Variants in THEM4 observed in about 807,000 individuals in gnomAD.
The protein encoded by THEM4 is thioesterase superfamily member 4, also known as acyl-coenzyme A thioesterase THEM4.
THEM4 carries 22 observed loss-of-function variants against 25.0 expected under a neutral mutation model. That is an observed-to-expected ratio of 0.88 (90% CI 0.63 to 1.26). THEM4 has a LOEUF of 1.26. Ranked by LOEUF, THEM4 falls within the 50% of genes most tolerant of loss-of-function variation. The pLI is 0.00. For missense variants in THEM4, 286 were observed against 300.3 expected, an observed-to-expected ratio of 0.95 and a Z score of 0.35; for synonymous variants, 113 against 105.6, an observed-to-expected ratio of 1.07 and a Z score of -0.43.
At chr1:151,879,053 T>C (rs1653751810) in intron 4 of THEM4, among the ~76,000 whole-genome samples, 1 of 152,110 alleles carries the variant, frequency 6.6e-6, no homozygotes, top group South Asian at 2.1e-4. Context: ...GATATAGATT[T>C]AGCTGAAATT....
At chr1:151,882,782 T>C (rs1017616949) in intron 4 of THEM4, among the ~76,000 whole-genome samples, 6 of 152,130 alleles carry the variant, frequency 3.9e-5, no homozygotes, top group Non-Finnish European at 8.8e-5. Flanking sequence ...GAACTCTTGA[T>C]TAAATTTCAA....
In THEM4 at chr1:151,909,421, C is replaced by A; in HGVS notation, c.38G>T (p.Gly13Val). ...RSCAARLRTL[G>V]ALCLPPVGRR... ...GCCTACTGGCGGCAGGCACAGAGCC[C>A]CCAGCGTGCGGAGGCGCGCGGCGCA... The change falls in exon 1 of 6, where the codon GGG becomes GTG. Residue 13 changes from glycine to valine, a missense_variant. Coordinates refer to ENST00000368814, the MANE Select transcript of THEM4 (RefSeq NM_053055.5). The A allele has an allele frequency of 6.7e-7, 1 of 1,483,756 alleles. No homozygotes were observed. Among genetic ancestry groups the A allele is most frequent in the Non-Finnish European group, 8.9e-7 (1 of 1,124,836 alleles). 91.9% of individuals were successfully genotyped at this position (1,483,756 alleles called of 1,614,324 possible).
intron 1 of THEM4, among the ~76,000 whole-genome samples, chr1:151,895,492 C>T (rs1558192990): frequency 2.6e-5 from 4 of 152,032 alleles, no homozygotes. Context: ...CAGGTAAGCC[C>T]AGCACACTGG....
chr1:151,883,078 G>C (rs1368033493), intron 4 of THEM4, among the ~76,000 whole-genome samples: 3 of 134,616 alleles, frequency 2.2e-5, no homozygotes, highest in African/African-American at 8.3e-5. Context: ...AGTGCAAGGG[G>C]GGATCTGTCA....
chr1:151,891,950 G>C (rs1654103483), intron 2 of THEM4, among the ~76,000 whole-genome samples: 3 of 152,034 alleles, frequency 2.0e-5, no homozygotes, highest in Non-Finnish European at 4.4e-5. Context: ...AAGAAACAGA[G>C]GTTTTTTGTT....
In THEM4 at chr1:151,895,118, A is replaced by G. The variant is rs1558192857; in HGVS notation, c.176T>C (p.Leu59Pro). The G allele has an allele frequency of 1.9e-6, 3 of 1,614,200 alleles. No homozygotes were observed. Among genetic ancestry groups the G allele is most frequent in the Non-Finnish European group, 2.5e-6 (3 of 1,180,026 alleles). The change falls in exon 2 of 6, where the codon CTG becomes CCG. Residue 59 changes from leucine (L) to proline (P), a missense_variant. Transcript: ENST00000368814. Reference protein sequence around the residue: ...PNPSWNKDLRLLFDQFMKKCE... With the variant: ...PNPSWNKDLRPLFDQFMKKCE... ...TTTCTTCATAAACTGGTCAAAGAGC[A>G]GTCTTAGGTCCTTGTTCCAGCTGGG...
chr1:151,889,617 C>G, intron 2 of THEM4: 1 of 424,498 alleles, frequency 2.4e-6, no homozygotes, highest in Non-Finnish European at 4.2e-6. Flanking sequence ...ATGAAGTACC[C>G]ACACATGGCA....
intron 2 of THEM4, among the ~76,000 whole-genome samples, chr1:151,893,192 T>C (rs1167853930): frequency 6.6e-6 from 1 of 151,776 alleles, no homozygotes. Context: ...GCCAACATTG[T>C]GAAACCCTGT....
intron 1 of THEM4, among the ~76,000 whole-genome samples, chr1:151,902,622 A>G (rs917027565): frequency 1.3e-5 from 2 of 152,186 alleles, no homozygotes; most frequent in Non-Finnish European, 2.9e-5. Context: ...GTAACCAAAT[A>G]CCACCTGTAC....
rs903608174 is a variant in THEM4 at position 151,899,005 on chromosome 1, C to T, written c.100-3811G>A. ...AAATGAGAAGGAACCAGAAAACCTA[C>T]CCAGGTAATATGACAAAACAAGGCT... On this transcript the variant is annotated intron_variant, in intron 1 of 5. Transcript: ENST00000368814. Among the ~76,000 whole-genome samples the T allele has an allele frequency of 3.9e-5, 6 of 152,202 alleles. No homozygotes were observed. The East Asian group carries it at 1.2e-3, about 29-fold the overall frequency.
intron 1 of THEM4, among the ~76,000 whole-genome samples, chr1:151,908,392 C>A (rs1654522325): frequency 6.6e-6 from 1 of 152,126 alleles, no homozygotes. Context: ...CTTCGTTTAG[C>A]CCGGCATGGC....
rs1653617233 is a variant in THEM4, at chr1:151,874,195, T to C, written c.*693A>G. The C allele has an allele frequency of 6.6e-6, 1 of 152,284 alleles. No homozygotes were observed. 9.4% of individuals were successfully genotyped at this position (152,284 alleles called of 1,614,324 possible). On this transcript the variant is annotated 3_prime_UTR_variant, in exon 6 of 6. Coordinates refer to ENST00000368814, the MANE Select transcript of THEM4 (RefSeq NM_053055.5). ...GATACAACAAAGCTAGCTTTCTAAC[T>C]TACTAACTTACAATGTATATGCATA...
At chr1:151,906,263 A>C (rs1654462969) in intron 1 of THEM4, among the ~76,000 whole-genome samples, 1 of 152,184 alleles carries the variant, frequency 6.6e-6, no homozygotes, top group Non-Finnish European at 1.5e-5. Flanking sequence ...CCACGCAATG[A>C]GGGGCTTAGC....
At chr1:151,882,842 G>A (rs1653874869) in intron 4 of THEM4, among the ~76,000 whole-genome samples, 1 of 152,070 alleles carries the variant, frequency 6.6e-6, no homozygotes, top group Admixed American at 6.6e-5. Context: ...GGTTTACTGG[G>A]CTGTGAGATT....
chr1:151,876,374 A>T (rs1653669961), intron 5 of THEM4, among the ~76,000 whole-genome samples: 1 of 152,058 alleles, frequency 6.6e-6, no homozygotes, highest in Non-Finnish European at 1.5e-5. Flanking sequence ...GCAATCTAAC[A>T]CATTATAATT....
At chr1:151,888,854 C>T (rs1558190947) in intron 3 of THEM4, among the ~76,000 whole-genome samples, 1 of 148,294 alleles carries the variant, frequency 6.7e-6, no homozygotes, top group Non-Finnish European at 1.5e-5. Flanking sequence ...TATACATATT[C>T]ATTGTTTAGA....
rs940265086 is a variant in THEM4 at position 151,873,898 on chromosome 1, G to A, written c.*990C>T. The A allele has an allele frequency of 6.6e-6, 1 of 152,162 alleles. No homozygotes were observed. Among genetic ancestry groups the A allele is most frequent in the African/African-American group, 2.4e-5 (1 of 41,442 alleles). 9.4% of individuals were successfully genotyped at this position (152,162 alleles called of 1,614,324 possible). A position where few individuals can be genotyped will look rare whatever the true frequency, so the allele number is the denominator to read the frequency against. On this transcript the variant is annotated 3_prime_UTR_variant, in exon 6 of 6. Transcript: ENST00000368814. The stretch of plus-strand genomic sequence containing the variant: ...TGGCCTTGGTCAACACCTTGATTTT[G>A]AACTTCTGGCCTCCAGAACTGAGAG...
chr1:151,892,304 A>G (rs937928277), intron 2 of THEM4, among the ~76,000 whole-genome samples: 2 of 152,208 alleles, frequency 1.3e-5, no homozygotes, highest in African/African-American at 2.4e-5. Context: ...ATGAAAGCCA[A>G]AAGAAAATGT....
intron 1 of THEM4, among the ~76,000 whole-genome samples, chr1:151,908,024 G>C (rs1051228663): frequency 6.6e-5 from 10 of 152,204 alleles, no homozygotes; most frequent in Non-Finnish European, 1.3e-4. Flanking sequence ...CCATTCCAGG[G>C]AGTCTAGCTC....
Sources: allele counts gnomAD v4.1 joint callset (sites outside exome capture counted in the v4.1 genomes callset), GRCh38; gene constraint gnomAD v4.1.1; transcripts MANE v1.5; gene names NCBI Gene and HGNC (gene_info 2026-07-23, HGNC 2026-07-21).